DHRSX: variants seen among roughly 807,000 people sequenced by gnomAD.
DHRSX encodes dehydrogenase/reductase X-linked, also known as polyprenol dehydrogenase.
A neutral mutation model predicts 34.0 loss-of-function variants in DHRSX; 31 were observed. The observed-to-expected ratio is 0.91, with a 90% confidence interval of 0.69 to 1.23. The LOEUF is 1.23. Ranked by LOEUF, DHRSX falls within the 50% of genes most tolerant of loss-of-function variation. The probability of loss-of-function intolerance (pLI) is 0.00; values close to 1 mark genes in which losing one functional copy is unlikely to be tolerated. For missense variants in DHRSX, 414 were observed against 428.1 expected (o/e 0.97, Z 0.29); for synonymous variants, 201 against 183.8 (o/e 1.09, Z -0.76).
At chrX:2,321,230 C>A (rs1006447996) in intron 3 of DHRSX, among the ~76,000 whole-genome samples, 16 of 152,100 alleles carry the variant, frequency 1.1e-4, no homozygotes, top group African/African-American at 3.9e-4. Flanking sequence ...GATGATGATC[C>A]GATTTCGCCA....
chrX:2,366,051 C>T (rs763790358), intron 3 of DHRSX, among the ~76,000 whole-genome samples: 17 of 152,302 alleles, frequency 1.1e-4, no homozygotes, highest in South Asian at 2.1e-4. Flanking sequence ...CTTCACCACA[C>T]GGCCAATTTA....
chrX:2,464,742 AC>A (rs772401220), intron 1 of DHRSX, among the ~76,000 whole-genome samples: 9 of 145,112 alleles, frequency 6.2e-5, no homozygotes, highest in African/African-American at 2.3e-4. Context: ...AGGGACCGCC[AC>A]CTTATACACA....
At chrX:2,445,371 C>G (rs1179864773) in intron 1 of DHRSX, among the ~76,000 whole-genome samples, 1 of 152,036 alleles carries the variant, frequency 6.6e-6, no homozygotes, top group Admixed American at 6.6e-5. Context: ...CAGCACTAAC[C>G]TTCACCTTCA....
intron 6 of DHRSX, among the ~76,000 whole-genome samples, chrX:2,242,321 C>A (rs1038328502): frequency 6.7e-6 from 1 of 148,520 alleles, no homozygotes; most frequent in Non-Finnish European, 1.5e-5. Flanking sequence ...AGCTACACAG[C>A]GTCACCCACC....
chrX:2,451,577 T>C (rs1216984710), intron 1 of DHRSX, among the ~76,000 whole-genome samples: 1 of 152,020 alleles, frequency 6.6e-6, no homozygotes, highest in Admixed American at 6.6e-5. Flanking sequence ...GGGGAAGGAA[T>C]GAATTCGGTC....
intron 3 of DHRSX, among the ~76,000 whole-genome samples, chrX:2,345,058 C>T (rs954944398): frequency 6.6e-6 from 1 of 151,700 alleles, no homozygotes; most frequent in African/African-American, 2.4e-5. Flanking sequence ...AGTGACCTCC[C>T]TAACATACAC....
At chrX:2,427,201 A>G (rs183168539) in intron 1 of DHRSX, among the ~76,000 whole-genome samples, 115 of 152,312 alleles carry the variant, frequency 7.6e-4, no homozygotes, top group South Asian at 2.5e-3. Flanking sequence ...CGGTGAGAGC[A>G]AAAGTCTAGC....
chrX:2,380,599 G>A lies in DHRSX; in HGVS notation c.286+28146C>T, dbSNP rs1023112403. Among the ~76,000 whole-genome samples the A allele has an allele frequency of 2.6e-5, 4 of 152,212 alleles. No homozygotes were observed. The East Asian group carries it at 7.8e-4, about 30-fold the overall frequency. On this transcript the variant is annotated intron_variant, in intron 3 of 6. Transcript: ENST00000334651. ...TTGTAATTCCCAGCGTTGAGGGAGG[G>A]ACCTGGTGGGAGGTGATTGGATCAT...
chrX:2,477,112 G>T (rs1375177906), intron 1 of DHRSX, among the ~76,000 whole-genome samples: 1 of 152,118 alleles, frequency 6.6e-6, no homozygotes, highest in African/African-American at 2.4e-5. Flanking sequence ...AGGAAATCAG[G>T]GACTTCACGA....
At chrX:2,250,103 A>G (rs1265107296) in intron 5 of DHRSX, among the ~76,000 whole-genome samples, 1 of 147,756 alleles carries the variant, frequency 6.8e-6, no homozygotes, top group East Asian at 2.0e-4. Flanking sequence ...TGAAGATTGC[A>G]GTGAGCCGAG....
At chrX:2,273,618 C>T (rs936660286) in intron 4 of DHRSX, among the ~76,000 whole-genome samples, 1 of 152,180 alleles carries the variant, frequency 6.6e-6, no homozygotes, top group Non-Finnish European at 1.5e-5. Context: ...GGTTTTTCAT[C>T]CCCTGCCTCC....
At position 2,235,830 on chromosome X, in the gene DHRSX, C is replaced by T. The variant is rs137906216; in HGVS notation, c.804+7193G>A. Among the ~76,000 whole-genome samples, 706 of 149,498 alleles carry T rather than the reference C, an allele frequency of 4.7e-3. 5 individuals are homozygous for T. The highest frequency in any genetic ancestry group is 0.016 in the African/African-American group (655 of 40,768). ...TAAGCAAATCAATAAATACATAAGC[C>T]AGGACGGGTGCGGTGGCTCACACCT... On this transcript the variant is annotated intron_variant, in intron 6 of 6. Transcript: ENST00000334651.
chrX:2,464,331 TAGCAATCCGGCCAA>T (rs1236208849), intron 1 of DHRSX, among the ~76,000 whole-genome samples: 1 of 68,654 alleles, frequency 1.5e-5, no homozygotes, highest in Non-Finnish European at 3.1e-5. Context: ...AGAGGTTCCC[TAGCAATCCGGCCAA>T]GGGCCGCTGA....
intron 1 of DHRSX, among the ~76,000 whole-genome samples, chrX:2,448,431 C>T (rs1021215722): frequency 1.8e-4 from 27 of 152,010 alleles, no homozygotes; most frequent in African/African-American, 3.4e-4. Flanking sequence ...AATAATACAT[C>T]GCATCTTTCA....
intron 3 of DHRSX, among the ~76,000 whole-genome samples, chrX:2,372,241 T>C (rs957582092): frequency 9.2e-5 from 14 of 152,156 alleles, no homozygotes; most frequent in Non-Finnish European, 1.9e-4. Context: ...TAATGGTGAA[T>C]CGGGTTGGGA....
intron 3 of DHRSX, among the ~76,000 whole-genome samples, chrX:2,320,076 G>A (rs530556656): frequency 6.6e-6 from 1 of 151,838 alleles, no homozygotes; most frequent in South Asian, 2.1e-4. Flanking sequence ...TGATCCACCC[G>A]CCTCGGCCTC....
chrX:2,240,315 GA>G (rs1490387224), intron 6 of DHRSX, among the ~76,000 whole-genome samples: 1 of 149,156 alleles, frequency 6.7e-6, no homozygotes, highest in East Asian at 2.0e-4. Context: ...AAAAGAAAAA[GA>G]AAAAAAGAAA....
At chrX:2,379,516 TC>T (rs914719854) in intron 3 of DHRSX, among the ~76,000 whole-genome samples, 6 of 149,826 alleles carry the variant, frequency 4.0e-5, no homozygotes, top group African/African-American at 1.5e-4. Context: ...CGACTGAAAT[TC>T]CCCCGTAAAA....
At chrX:2,282,828 GAGAGGGA>G (rs2041740686) in intron 4 of DHRSX, among the ~76,000 whole-genome samples, 1 of 110,852 alleles carries the variant, frequency 9.0e-6, no homozygotes, top group Non-Finnish European at 1.9e-5. Flanking sequence ...GAGAGGGAGA[GAGAGGGA>G]GAAAGGGAGA....
Sources: allele counts gnomAD v4.1 joint callset (sites outside exome capture counted in the v4.1 genomes callset), GRCh38; gene constraint gnomAD v4.1.1; transcripts MANE v1.5; gene names NCBI Gene and HGNC (gene_info 2026-07-23, HGNC 2026-07-21).